The following APOOL variants were observed in gnomAD, a reference collection of about 807,000 sequenced individuals.
APOOL encodes apolipoprotein O like, also known as MICOS complex subunit MIC27.
In APOOL, 12 loss-of-function variants were observed where a neutral mutation model predicts 23.1. That is an observed-to-expected ratio of 0.52 (90% CI 0.33 to 0.84). The LOEUF is 0.84. Ranked by LOEUF, APOOL falls within the 40% of genes least tolerant of loss-of-function variation. The pLI, the probability that APOOL is intolerant of heterozygous loss-of-function variation, is 0.02. For missense variants in APOOL, 212 were observed against 199.6 expected, an observed-to-expected ratio of 1.06 and a Z score of -0.37; for synonymous variants, 77 against 69.9, an observed-to-expected ratio of 1.10 and a Z score of -0.51.
Position 85,074,720 on chromosome X carries a change from G to T in APOOL, c.718+329G>T, listed in dbSNP as rs191555780. Among the ~76,000 whole-genome samples, 49 of 110,133 alleles carry T rather than the reference G, an allele frequency of 4.4e-4. 1 individual carries two copies. The highest frequency in any genetic ancestry group is 4.3e-3 in the Admixed American group (44 of 10,172). ...TTTCTAGATTCTGTAATTTTAAAGGGATGAGTCACACCTACATAAAGAAAT... is the reference window on the plus strand; with the variant it reads ...TTTCTAGATTCTGTAATTTTAAAGGTATGAGTCACACCTACATAAAGAAAT... On this transcript the variant is annotated intron_variant, in intron 8 of 8. Transcript: ENST00000373173.
At chrX:85,059,230 T>G (rs1384422115) in intron 5 of APOOL, among the ~76,000 whole-genome samples, 4 of 110,513 alleles carry the variant, frequency 3.6e-5, no homozygotes, top group East Asian at 5.8e-4. Flanking sequence ...TGGCTGCATA[T>G]TATTCCATGG....
At chrX:85,034,418 A>T (rs1168047748) in intron 1 of APOOL, among the ~76,000 whole-genome samples, 1 of 111,372 alleles carries the variant, frequency 9.0e-6, no homozygotes, top group Admixed American at 9.5e-5. Context: ...TTTAGTAAAA[A>T]TAATAGGCTT....
Position 85,080,027 on chromosome X carries a change from T to A in APOOL, c.718+5636T>A, listed in dbSNP as rs1215383581. Among the ~76,000 whole-genome samples the A allele has an allele frequency of 7.1e-5, 8 of 111,942 alleles. No homozygotes were observed. In the East Asian group the frequency reaches 8.4e-4, roughly 12 times the overall value. On this transcript the variant is annotated intron_variant, in intron 8 of 8. Transcript: ENST00000373173. ...CAGCAGTCTATCAATTTTGTTGATC[T>A]TTTCAAATAATCAGCTCCTGGATTC...
chrX:85,046,853 A>G (rs192283075), intron 2 of APOOL, among the ~76,000 whole-genome samples: 1 of 111,592 alleles, frequency 9.0e-6, no homozygotes, highest in African/African-American at 3.2e-5. Flanking sequence ...ACACAGGTAC[A>G]TTCAGTATTA....
At chrX:85,081,265 C>G (rs765069108) in intron 8 of APOOL, among the ~76,000 whole-genome samples, 1 of 111,753 alleles carries the variant, frequency 8.9e-6, no homozygotes, top group South Asian at 3.7e-4. Context: ...CCTTCAGGAG[C>G]TCTTTTAAGA....
chrX:85,075,458 TA>T (rs1923804441), intron 8 of APOOL, among the ~76,000 whole-genome samples: 1 of 111,382 alleles, frequency 9.0e-6, no homozygotes, highest in Non-Finnish European at 1.9e-5. Flanking sequence ...AGTTAGTCTC[TA>T]ATTTCAGCCT....
In APOOL at chrX:85,090,439, T is replaced by A. The variant is rs1176790482; in HGVS notation, c.*2761T>A. The A allele has an allele frequency of 9.0e-6, 1 of 111,351 alleles. No homozygotes were observed. Among genetic ancestry groups the A allele is most frequent in the Admixed American group, 9.6e-5 (1 of 10,471 alleles). 9.2% of individuals were successfully genotyped at this position (111,351 alleles called of 1,213,427 possible). ...CTATTCTTCTAACCCATTTGTCTAT[T>A]ATGATATAGTTGTCTTGACAACTAT... is the stretch of plus-strand genomic sequence containing the variant. On this transcript the variant is annotated 3_prime_UTR_variant, in exon 9 of 9. Coordinates refer to ENST00000373173, the MANE Select transcript of APOOL (RefSeq NM_198450.6).
intron 1 of APOOL, among the ~76,000 whole-genome samples, chrX:85,018,748 C>A (rs1422677291): frequency 2.7e-5 from 3 of 111,051 alleles, no homozygotes; most frequent in African/African-American, 9.8e-5. Flanking sequence ...TTGATAATTT[C>A]TGTTTCTTTG....
chrX:85,022,729 A>G (rs1052364869), intron 1 of APOOL, among the ~76,000 whole-genome samples: 2 of 111,679 alleles, frequency 1.8e-5, no homozygotes, highest in Non-Finnish European at 3.8e-5. Context: ...TAGTACTGGA[A>G]GTCCTACCTA....
intron 2 of APOOL, among the ~76,000 whole-genome samples, chrX:85,050,945 A>G (rs1250999233): frequency 9.0e-6 from 1 of 110,732 alleles, no homozygotes; most frequent in African/African-American, 3.3e-5. Context: ...GTAACCTTAT[A>G]TTCCTGAAAT....
chrX:85,015,477 T>C (rs1309362332), intron 1 of APOOL, among the ~76,000 whole-genome samples: 3 of 110,862 alleles, frequency 2.7e-5, no homozygotes, highest in Non-Finnish European at 5.7e-5. Context: ...TTCTTGAATC[T>C]TTTTTTGATT....
At chrX:85,062,400 T>C (rs751065397) in intron 5 of APOOL, among the ~76,000 whole-genome samples, 7 of 111,806 alleles carry the variant, frequency 6.3e-5, no homozygotes, top group Non-Finnish European at 1.3e-4. Context: ...ATTTTTGCTT[T>C]TGTTGTGATT....
chrX:85,030,177 TAAAAG>T (rs1316455434), intron 1 of APOOL, among the ~76,000 whole-genome samples: 1 of 112,148 alleles, frequency 8.9e-6, no homozygotes, highest in Admixed American at 9.4e-5. Context: ...ACTCAGCCAT[TAAAAG>T]AAATGAAATA....
At chrX:85,055,994 A>C in intron 5 of APOOL, 69 bp downstream of exon 5, 6 of 784,658 alleles carry the variant, frequency 7.6e-6, no homozygotes, top group Non-Finnish European at 1.1e-5. Context: ...TGGTCATGAG[A>C]AAACCTCATA....
intron 8 of APOOL, chrX:85,081,421 C>T (rs961910515): frequency 8.9e-6 from 1 of 111,875 alleles, no homozygotes; most frequent in East Asian, 2.8e-4. Flanking sequence ...TCGGCCCCCA[C>T]TCTCTTCTGG....
At chrX:85,084,692 A>G (rs1924229516) in intron 8 of APOOL, among the ~76,000 whole-genome samples, 1 of 111,651 alleles carries the variant, frequency 9.0e-6, no homozygotes, top group Non-Finnish European at 1.9e-5. Flanking sequence ...ATAAATTAAA[A>G]TCTTGAAGAC....
chrX:85,007,968 CTG>C (rs1320257382), intron 1 of APOOL, among the ~76,000 whole-genome samples: 13 of 111,415 alleles, frequency 1.2e-4, no homozygotes, highest in Non-Finnish European at 5.7e-5. Flanking sequence ...GAAATCGAAA[CTG>C]TAATGATAGG....
chrX:85,063,876 G>A (rs1261732774), intron 5 of APOOL, among the ~76,000 whole-genome samples: 2 of 111,083 alleles, frequency 1.8e-5, no homozygotes, highest in Non-Finnish European at 3.8e-5. Flanking sequence ...GTATCAGGAT[G>A]ATGCTGGCCT....
At chrX:85,031,791 AGCT>A (rs1922046558) in intron 1 of APOOL, among the ~76,000 whole-genome samples, 1 of 112,077 alleles carries the variant, frequency 8.9e-6, no homozygotes, top group Non-Finnish European at 1.9e-5. Flanking sequence ...TTGTTTGTAG[AGCT>A]GAGAGAACAA....
Sources: allele counts gnomAD v4.1 joint callset (sites outside exome capture counted in the v4.1 genomes callset), GRCh38; gene constraint gnomAD v4.1.1; transcripts MANE v1.5; gene names NCBI Gene and HGNC (gene_info 2026-07-23, HGNC 2026-07-21).